COP1: variants seen among roughly 807,000 people sequenced by gnomAD.
The protein encoded by COP1 is E3 ubiquitin-protein ligase COP1.
In COP1, 24 loss-of-function variants were observed where a neutral mutation model predicts 101.3. That is an observed-to-expected ratio of 0.24 (90% confidence interval 0.17 to 0.33). COP1 has a LOEUF of 0.33. Among genes scored for constraint, COP1 ranks in the 10% least tolerant of loss-of-function variants. The pLI is 1.00. For synonymous variants in COP1, 347 were observed against 341.9 expected (o/e 1.01, Z -0.17); for missense variants, 663 against 906.2 (o/e 0.73, Z 3.45).
chr1:176,002,704 G>A (rs1200136962), intron 15 of COP1, among the ~76,000 whole-genome samples: 1 of 148,248 alleles, frequency 6.7e-6, no homozygotes, highest in Non-Finnish European at 1.5e-5. Flanking sequence ...TTTTATGGCT[G>A]CATAGTATTC....
intron 18 of COP1, among the ~76,000 whole-genome samples, chr1:175,979,605 C>G (rs879878700): frequency 6.6e-6 from 1 of 151,822 alleles, no homozygotes; most frequent in Non-Finnish European, 1.5e-5. Context: ...TAAACGCCTA[C>G]TTTCTTGTAG....
chr1:176,038,332 T>C (rs554829109), intron 14 of COP1, among the ~76,000 whole-genome samples: 1 of 152,328 alleles, frequency 6.6e-6, no homozygotes, highest in South Asian at 2.1e-4. Flanking sequence ...AATTGATCTA[T>C]AGATTGAATA....
intron 9 of COP1, among the ~76,000 whole-genome samples, chr1:176,087,073 T>G (rs1474938174): frequency 6.6e-6 from 1 of 152,222 alleles, no homozygotes; most frequent in Admixed American, 6.5e-5. Context: ...AAGCTGAAAC[T>G]GGATCCCTTC....
chr1:176,193,180 A>G (rs1699298443), intron 1 of COP1, among the ~76,000 whole-genome samples: 1 of 152,222 alleles, frequency 6.6e-6, no homozygotes, highest in Non-Finnish European at 1.5e-5. Flanking sequence ...AAAGATGGTT[A>G]ACCTCACTAG....
At chr1:176,064,845 A>C (rs1037475927) in intron 11 of COP1, among the ~76,000 whole-genome samples, 1 of 151,982 alleles carries the variant, frequency 6.6e-6, no homozygotes, top group Non-Finnish European at 1.5e-5. Context: ...ACTGGTCTCG[A>C]GCTCCTGGGC....
chr1:175,984,275 C>T (rs541535436), intron 18 of COP1, among the ~76,000 whole-genome samples: 12 of 152,272 alleles, frequency 7.9e-5, no homozygotes, highest in Admixed American at 2.6e-4. Flanking sequence ...GTGTCCCTGC[C>T]GCTCCAGCCA....
intron 15 of COP1, among the ~76,000 whole-genome samples, chr1:176,006,704 C>G (rs766856938): frequency 6.6e-6 from 1 of 152,190 alleles, no homozygotes; most frequent in East Asian, 1.9e-4. Context: ...TGTAGGGTTT[C>G]TGCCGAGAGA....
At chr1:176,000,809 A>G (rs1661422977) in intron 15 of COP1, among the ~76,000 whole-genome samples, 1 of 151,638 alleles carries the variant, frequency 6.6e-6, no homozygotes, top group South Asian at 2.1e-4. Flanking sequence ...TTTCTAGTGT[A>G]TCATTTTAGT....
intron 5 of COP1, among the ~76,000 whole-genome samples, chr1:176,162,531 T>C (rs748262897): frequency 6.6e-6 from 1 of 152,170 alleles, no homozygotes; most frequent in Non-Finnish European, 1.5e-5. Context: ...ATCTCACATA[T>C]GAAGAGGGGA....
intron 3 of COP1, among the ~76,000 whole-genome samples, chr1:176,174,049 T>C (rs1696567137): frequency 1.4e-5 from 2 of 146,318 alleles, no homozygotes; most frequent in African/African-American, 2.5e-5. Context: ...CCAGCTTAAG[T>C]GGCAGTATAT....
chr1:176,037,259 T>C (rs529169455), intron 14 of COP1, among the ~76,000 whole-genome samples: 1 of 151,806 alleles, frequency 6.6e-6, no homozygotes, highest in Admixed American at 6.6e-5. Context: ...AAACAAAAAT[T>C]AGCCAGGCAT....
At chr1:175,980,030 T>C (rs1010876033) in intron 18 of COP1, among the ~76,000 whole-genome samples, 1 of 152,176 alleles carries the variant, frequency 6.6e-6, no homozygotes, top group Non-Finnish European at 1.5e-5. Flanking sequence ...TATCAGGAAC[T>C]GTTCCAAACA....
intron 15 of COP1, among the ~76,000 whole-genome samples, chr1:175,994,271 T>C (rs1475068431): frequency 1.3e-5 from 2 of 152,108 alleles, no homozygotes; most frequent in Non-Finnish European, 2.9e-5. Flanking sequence ...GAACAACCCA[T>C]ACCAGCCACT....
At chr1:176,011,847 G>A (rs1294147685) in intron 15 of COP1, among the ~76,000 whole-genome samples, 1 of 152,136 alleles carries the variant, frequency 6.6e-6, no homozygotes, top group East Asian at 1.9e-4. Context: ...TAAGTTTTTG[G>A]TCATTCTGGT....
intron 18 of COP1, among the ~76,000 whole-genome samples, chr1:175,958,040 A>G (rs1242507380): frequency 2.0e-5 from 3 of 152,124 alleles, no homozygotes; most frequent in Admixed American, 6.6e-5. Flanking sequence ...ACTGATTACA[A>G]AGTGACACAA....
chr1:175,975,207 T>C (rs777083049), intron 18 of COP1, among the ~76,000 whole-genome samples: 1 of 152,120 alleles, frequency 6.6e-6, no homozygotes, highest in Non-Finnish European at 1.5e-5. Context: ...ATGCTTTTGA[T>C]AGATTTCATT....
At chr1:176,177,085 C>T (rs1430776259) in intron 2 of COP1, among the ~76,000 whole-genome samples, 1 of 151,998 alleles carries the variant, frequency 6.6e-6, no homozygotes, top group African/African-American at 2.4e-5. Flanking sequence ...AAGAAATTGA[C>T]TAAATAAATT....
At chr1:175,998,062 TTAAAAAAAA>T (rs1660654623) in intron 15 of COP1, among the ~76,000 whole-genome samples, 4 of 38,016 alleles carry the variant, frequency 1.1e-4, no homozygotes, top group Middle Eastern at 0.017. Context: ...TAGAGTATAA[TTAAAAAAAA>T]AAAAAAAAAA....
intron 1 of COP1, among the ~76,000 whole-genome samples, chr1:176,188,834 T>TACACACACAC (rs10637320): frequency 5.5e-4 from 82 of 148,500 alleles, no homozygotes; most frequent in African/African-American, 2.0e-3. Context: ...AACACATAGA[T>TACACACACAC]ACACACACAC....
Sources: gnomAD v4.1 joint callset for allele counts (sites outside exome capture counted in the v4.1 genomes callset) on GRCh38, gnomAD v4.1.1 for gene constraint, MANE v1.5 for transcripts, NCBI Gene and HGNC (gene_info 2026-07-23, HGNC 2026-07-21) for gene names.